Variants in HEATR5A observed in about 807,000 individuals in gnomAD.
HEATR5A encodes the protein HEAT repeat-containing protein 5A.
Under a neutral mutation model 218.8 loss-of-function variants are expected in HEATR5A, and 178 were observed. The observed-to-expected ratio is 0.81, with a 90% CI of 0.72 to 0.92. HEATR5A has a LOEUF of 0.92. Among genes scored for constraint, HEATR5A ranks in the 40% least tolerant of loss-of-function variants. The probability of loss-of-function intolerance (pLI) is 0.00; values close to 1 mark genes in which losing one functional copy is unlikely to be tolerated. For synonymous variants in HEATR5A, 864 were observed against 871.6 expected (o/e 0.99, Z 0.15); for missense variants, 2,420 against 2,418.9 (o/e 1.00, Z -0.01).
rs1162835527 is a variant in HEATR5A, at chr14:31,400,531, C to A, written c.127-19G>T. 1 of 1,447,596 alleles carries A rather than the reference C, an allele frequency of 6.9e-7. No individual in the cohort carries two copies. The highest frequency in any genetic ancestry group is 9.3e-7 in the Non-Finnish European group (1 of 1,074,378). 89.7% of individuals were successfully genotyped at this position (1,447,596 alleles called of 1,614,324 possible). Reference sequence around the variant, plus strand: ...CATCATTCTAGAAAGAAAGATAACACAAAGACAATTCAAAGTCAATATAAT... The same window carrying A: ...CATCATTCTAGAAAGAAAGATAACAAAAAGACAATTCAAAGTCAATATAAT... On this transcript the variant is annotated intron_variant, in intron 2 of 35. Transcript: ENST00000543095.
Position 31,321,506 on chromosome 14 carries a change from T to C in HEATR5A, c.3962A>G (p.Gln1321Arg), listed in dbSNP as rs1339964771. 8.8e-6 allele frequency: 14 copies of C among 1,589,866 alleles called. No individual in the cohort carries two copies. Among genetic ancestry groups the C allele is most frequent in the Non-Finnish European group, 1.2e-5 (14 of 1,167,500 alleles). The change falls in exon 25 of 36, where the codon CAA (glutamine) becomes CGA (arginine). Residue 1321 changes from glutamine to arginine, a missense_variant. Coordinates refer to ENST00000543095, the MANE Select transcript of HEATR5A (RefSeq NM_015473.4). ...CTAAAAGAAAGTGCTTACATTGGCTTGATACTGTTCCAGAATCACATGACC... is the reference window on the plus strand; with the variant it reads ...CTAAAAGAAAGTGCTTACATTGGCTCGATACTGTTCCAGAATCACATGACC... ...FPGHVILEQYQANVGAALRPA... is the reference protein window; with the variant it reads ...FPGHVILEQYRANVGAALRPA...
intron 23 of HEATR5A, among the ~76,000 whole-genome samples, chr14:31,325,414 T>C (rs1427428614): frequency 6.6e-6 from 1 of 152,116 alleles, no homozygotes; most frequent in African/African-American, 2.4e-5. Flanking sequence ...GTCATAACTT[T>C]GTATAACTTT....
chr14:31,413,390 T>TA (rs1334992727), intron 1 of HEATR5A, among the ~76,000 whole-genome samples: 1 of 151,570 alleles, frequency 6.6e-6, no homozygotes, highest in Non-Finnish European at 1.5e-5. Context: ...GCCTTCTTTT[T>TA]TTTTTTTTTT....
chr14:31,416,883 C>G (rs771973177), intron 1 of HEATR5A, among the ~76,000 whole-genome samples: 48 of 152,042 alleles, frequency 3.2e-4, no homozygotes, highest in African/African-American at 1.1e-3. Flanking sequence ...GAGGGGATTC[C>G]TTGAGCCCAG....
chr14:31,404,049 T>C (rs1426003636), intron 1 of HEATR5A, among the ~76,000 whole-genome samples: 4 of 152,220 alleles, frequency 2.6e-5, no homozygotes, highest in African/African-American at 4.8e-5. Context: ...ATCATTTCAC[T>C]ACTCTTCATT....
At chr14:31,373,449 C>T (rs920309399) in intron 12 of HEATR5A, among the ~76,000 whole-genome samples, 1 of 151,884 alleles carries the variant, frequency 6.6e-6, no homozygotes. Flanking sequence ...CTGTCTTAGC[C>T]TCCCAAGTAG....
intron 22 of HEATR5A, among the ~76,000 whole-genome samples, chr14:31,331,763 G>A (rs184814149): frequency 3.9e-4 from 59 of 152,312 alleles, no homozygotes; most frequent in African/African-American, 1.0e-3. Context: ...GAAGAGGCAC[G>A]TTTTACATGG....
chr14:31,312,354 AATT>A (rs1276831570), intron 28 of HEATR5A, among the ~76,000 whole-genome samples: 1 of 152,184 alleles, frequency 6.6e-6, no homozygotes, highest in East Asian at 1.9e-4. Flanking sequence ...GATTGGCAAA[AATT>A]ATTAAGTATG....
At chr14:31,378,333 A>G (rs538244020) in intron 11 of HEATR5A, among the ~76,000 whole-genome samples, 3 of 152,384 alleles carry the variant, frequency 2.0e-5, no homozygotes, top group South Asian at 2.1e-4. Flanking sequence ...TGACTTTCAC[A>G]TGATTCTCAT....
chr14:31,375,536 G>A (rs1163073128), intron 11 of HEATR5A, among the ~76,000 whole-genome samples: 1 of 152,030 alleles, frequency 6.6e-6, no homozygotes, highest in Non-Finnish European at 1.5e-5. Flanking sequence ...TGAGTAGCTG[G>A]GATTACAGGT....
chr14:31,413,913 T>G (rs1158646662), intron 1 of HEATR5A, among the ~76,000 whole-genome samples: 1 of 152,210 alleles, frequency 6.6e-6, no homozygotes, highest in Non-Finnish European at 1.5e-5. Flanking sequence ...AAGCATCCAG[T>G]CCTTCTAACT....
intron 28 of HEATR5A, among the ~76,000 whole-genome samples, chr14:31,311,668 T>G (rs1899756960): frequency 6.6e-6 from 1 of 151,580 alleles, no homozygotes; most frequent in African/African-American, 2.4e-5. Context: ...AATAGTGTTG[T>G]GTATATATAT....
At chr14:31,364,420 G>A (rs141798257) in intron 13 of HEATR5A, 122 bp from the exon 14 acceptor site, 4 of 556,724 alleles carry the variant, frequency 7.2e-6, no homozygotes, top group Non-Finnish European at 1.3e-5. Context: ...CATTAGTGCT[G>A]CTTTACTTTT....
At chr14:31,403,897 T>C (rs1045951782) in intron 1 of HEATR5A, among the ~76,000 whole-genome samples, 2 of 152,182 alleles carry the variant, frequency 1.3e-5, no homozygotes, top group African/African-American at 2.4e-5. Flanking sequence ...TAAGATGGAA[T>C]TGTGATTACT....
At chr14:31,386,746 G>C (rs1186261451) in intron 8 of HEATR5A, among the ~76,000 whole-genome samples, 171 bp from the exon 9 acceptor site, 2 of 152,154 alleles carry the variant, frequency 1.3e-5, no homozygotes, top group African/African-American at 2.4e-5. Flanking sequence ...TCAATAAAGA[G>C]AGAAATGAAT....
In HEATR5A at chr14:31,395,387, A is replaced by T. The variant is rs201553711; in HGVS notation, c.448-39T>A. On this transcript the variant is annotated intron_variant, in intron 4 of 35. Transcript: ENST00000543095. ...AAAAAATTAAATAGGAAAAATAATT[A>T]AACTGCAAAGAACAGGATTAAACAT... 259 of 1,189,444 alleles carry T rather than the reference A, an allele frequency of 2.2e-4. 1 individual carries two copies. The Middle Eastern group carries it at 3.5e-3, about 16-fold the overall frequency. 73.7% of individuals were successfully genotyped at this position (1,189,444 alleles called of 1,614,324 possible).
chr14:31,346,487 A>C (rs912206074), intron 19 of HEATR5A, among the ~76,000 whole-genome samples: 6 of 152,170 alleles, frequency 3.9e-5, no homozygotes, highest in African/African-American at 7.2e-5. Context: ...ATCTTAAAAG[A>C]CTAAAAGATG....
intron 4 of HEATR5A, 121 bp downstream of exon 4, chr14:31,398,552 G>A (rs773574577): frequency 1.5e-4 from 86 of 559,814 alleles, no homozygotes; most frequent in Non-Finnish European, 2.3e-4. Flanking sequence ...TAATTTATGG[G>A]TACATTTATA....
chr14:31,312,457 G>A (rs1402202030), intron 28 of HEATR5A, among the ~76,000 whole-genome samples: 1 of 149,470 alleles, frequency 6.7e-6, no homozygotes, highest in Non-Finnish European at 1.5e-5. Context: ...TTGTCACCTA[G>A]GCTGGAGTGC....
Sources: allele counts gnomAD v4.1 joint callset (sites outside exome capture counted in the v4.1 genomes callset), GRCh38; gene constraint gnomAD v4.1.1; transcripts MANE v1.5; gene names NCBI Gene and HGNC (gene_info 2026-07-23, HGNC 2026-07-21).